Variants in ARMC9 observed in about 807,000 individuals in gnomAD.
ARMC9 encodes the protein lisH domain-containing protein ARMC9.
Under a neutral mutation model 107.0 loss-of-function variants are expected in ARMC9, and 94 were observed. That is an observed-to-expected ratio of 0.88 (90% CI 0.74 to 1.04). The LOEUF is 1.04. Ranked by LOEUF, ARMC9 falls within the 50% of genes least tolerant of loss-of-function variation. The probability of loss-of-function intolerance (pLI) is 0.00; values close to 1 mark genes in which losing one functional copy is unlikely to be tolerated. For synonymous variants in ARMC9, 380 were observed against 396.9 expected, an observed-to-expected ratio of 0.96 and a Z score of 0.51; for missense variants, 942 against 1,030.1, an observed-to-expected ratio of 0.91 and a Z score of 1.17.
At chr2:231,323,969 T>TCTGCCCCAGGCCCCCTGCTC (rs1307913752) in intron 19 of ARMC9, among the ~76,000 whole-genome samples, 2 of 152,150 alleles carry the variant, frequency 1.3e-5, no homozygotes, top group Non-Finnish European at 2.9e-5. Context: ...GGGCCCTGGT[T>TCTGCCCCAGGCCCCCTGCTC]CTGCCCCAGG....
intron 3 of ARMC9, among the ~76,000 whole-genome samples, chr2:231,211,948 C>G (rs985670923): frequency 2.6e-5 from 4 of 152,020 alleles, no homozygotes; most frequent in Non-Finnish European, 5.9e-5. Flanking sequence ...AGCTGTGTCC[C>G]CCACTATGGT....
At chr2:231,262,242 C>G in intron 11 of ARMC9, 64 bp from the exon 12 acceptor site, 1 of 1,471,176 alleles carries the variant, frequency 6.8e-7, no homozygotes, top group Admixed American at 1.7e-5. Context: ...AACACACCTG[C>G]TATGAGAAAC....
Position 231,358,625 on chromosome 2 carries a change from C to A in ARMC9, c.2132-2129C>A, listed in dbSNP as rs1421663926. On this transcript the variant is annotated intron_variant, in intron 22 of 24. Coordinates refer to ENST00000611582, the MANE Select transcript of ARMC9 (RefSeq NM_001352754.2). This position sits in a 1 kb window ranked among gnomAD's most constrained non-coding sequence, Gnocchi z 4.5. The stretch of plus-strand genomic sequence containing the variant: ...GGGAACTAACGCCCCACCCAGAGAC[C>A]CCGTGGAAACCCCCACCTTCACGCT... Among the ~76,000 whole-genome samples the A allele has an allele frequency of 6.6e-6, 1 of 152,156 alleles. No homozygotes were observed. Among genetic ancestry groups the A allele is most frequent in the Non-Finnish European group, 1.5e-5 (1 of 68,036 alleles).
Position 231,371,570 on chromosome 2 carries a change from G to C in ARMC9, c.*35G>C, listed in dbSNP as rs988875357. The C allele has an allele frequency of 4.0e-6, 5 of 1,234,910 alleles. No individual in the cohort carries two copies. In the Admixed American group the frequency reaches 2.1e-4, roughly 52 times the overall value. 76.5% of individuals were successfully genotyped at this position (1,234,910 alleles called of 1,614,324 possible). A position where few individuals can be genotyped will look rare whatever the true frequency, so the allele number is the denominator to read the frequency against. On this transcript the variant is annotated 3_prime_UTR_variant, in exon 25 of 25. Coordinates refer to ENST00000611582, the MANE Select transcript of ARMC9 (RefSeq NM_001352754.2). ...CGGGTGTCCCCATCACGTTGCCGGA[G>C]GACCAGCCAGCTTCCCGCTCTCAGC...
At chr2:231,271,829 G>A (rs978597373) in intron 13 of ARMC9, among the ~76,000 whole-genome samples, 1 of 152,208 alleles carries the variant, frequency 6.6e-6, no homozygotes, top group East Asian at 1.9e-4. Flanking sequence ...GACCATTCTG[G>A]GCTTATTACA....
At chr2:231,328,808 T>TG (rs2043509450) in intron 19 of ARMC9, among the ~76,000 whole-genome samples, 1 of 131,164 alleles carries the variant, frequency 7.6e-6, no homozygotes, top group Non-Finnish European at 1.7e-5. Context: ...AATTTTCTTT[T>TG]CTTTTCTTTT....
chr2:231,341,084 TGGGAGGCTGAGAC>T (rs1048677283), intron 20 of ARMC9, among the ~76,000 whole-genome samples: 1 of 152,056 alleles, frequency 6.6e-6, no homozygotes, highest in Non-Finnish European at 1.5e-5. Context: ...CTCAGCTACT[TGGGAGGCTGAGAC>T]GGGAGGATCA....
At chr2:231,343,246 T>A (rs2044626832) in intron 20 of ARMC9, among the ~76,000 whole-genome samples, 1 of 151,740 alleles carries the variant, frequency 6.6e-6, no homozygotes, top group Admixed American at 6.6e-5. Flanking sequence ...GTCACTTCCC[T>A]GGCTGAGAAC....
intron 5 of ARMC9, among the ~76,000 whole-genome samples, chr2:231,220,596 C>CAAAAAAAAAAAAA (rs71396668): frequency 1.5e-5 from 1 of 66,178 alleles, no homozygotes; most frequent in Non-Finnish European, 3.1e-5. Context: ...GACTCCATCT[C>CAAAAAAAAAAAAA]AAAAAAAAAA....
At chr2:231,248,995 C>CACAGG (rs1559349875) in intron 9 of ARMC9, among the ~76,000 whole-genome samples, 7 of 152,244 alleles carry the variant, frequency 4.6e-5, no homozygotes, top group Middle Eastern at 3.4e-3. Flanking sequence ...TACCCACGTG[C>CACAGG]ATCCTGCACA....
At position 231,271,029 on chromosome 2, in the gene ARMC9, G is replaced by A. The variant is rs146934178; in HGVS notation, c.1167G>A (p.Gln389=). 243 of 1,614,190 alleles carry A rather than the reference G, an allele frequency of 1.5e-4. 2 individuals carry two copies. The East Asian group carries it at 4.9e-3, about 32-fold the overall frequency. ...ACTCCACGAGCGACGTGGTGCGGCA[G>A]TACATGGCCAGGCTCATCAATGCTT... is the stretch of plus-strand genomic sequence containing the variant. ...LLHSTSDVVR[Q]YMARLINAFA... The change falls in exon 13 of 25, where the codon CAG becomes CAA. Residue 389 remains glutamine (Q), a synonymous_variant. Transcript: ENST00000611582.
At chr2:231,241,039 CAT>C (rs2036246938) in intron 9 of ARMC9, among the ~76,000 whole-genome samples, 1 of 151,584 alleles carries the variant, frequency 6.6e-6, no homozygotes, top group South Asian at 2.1e-4. Context: ...CTCTACTAAA[CAT>C]ACAAAAATTA....
intron 1 of ARMC9, 67 bp from the exon 2 acceptor site, chr2:231,206,131 A>G: frequency 5.1e-6 from 5 of 989,154 alleles, no homozygotes; most frequent in Non-Finnish European, 8.1e-6. Flanking sequence ...TGCTCACCAC[A>G]ACCACCTTTT....
chr2:231,271,551 T>G (rs1043144835), intron 13 of ARMC9, among the ~76,000 whole-genome samples: 6 of 152,216 alleles, frequency 3.9e-5, no homozygotes, highest in African/African-American at 1.4e-4. Context: ...ATAACTGAAT[T>G]TAAAATGATT....
In ARMC9 at chr2:231,203,077, G is replaced by A. The variant is rs77107158; in HGVS notation, c.-41-3121G>A. On this transcript the variant is annotated intron_variant, in intron 1 of 24. Transcript: ENST00000611582. ...GGAGAGTGTGGCTCTGACCTAACTC[G>A]GTCGGAAGTCCCTCCCAGGTTTGAA... Among the ~76,000 whole-genome samples the A allele has an allele frequency of 3.4e-3, 515 of 151,324 alleles. 2 individuals are homozygous for A. Among genetic ancestry groups the A allele is most frequent in the African/African-American group, 0.012 (494 of 40,722 alleles).
intron 12 of ARMC9, among the ~76,000 whole-genome samples, chr2:231,265,386 A>G (rs1299131567): frequency 1.3e-5 from 2 of 152,260 alleles, no homozygotes; most frequent in African/African-American, 4.8e-5. Context: ...AAAATGTAAT[A>G]TATATACAAC....
chr2:231,237,775 ATATATATTTTTTTTTTTTTTTTTTT>A (rs1435196117), intron 8 of ARMC9, among the ~76,000 whole-genome samples: 24 of 40,784 alleles, frequency 5.9e-4, no homozygotes, highest in African/African-American at 1.8e-3. Flanking sequence ...ATATATATAT[ATATATATTTTTTTTTTTTTTTTTTT>A]TTTTTTTTTT....
Position 231,289,208 on chromosome 2 carries a change from T to G in ARMC9, c.1627-2145T>G, listed in dbSNP as rs376647239. ...TTTGGCTGGGCACACAACTCACACCTGTAATCCCACCACTTTGGGAGGCTG... is the reference window on the plus strand; with the variant it reads ...TTTGGCTGGGCACACAACTCACACCGGTAATCCCACCACTTTGGGAGGCTG... On this transcript the variant is annotated intron_variant, in intron 17 of 24. Coordinates refer to ENST00000611582, the MANE Select transcript of ARMC9 (RefSeq NM_001352754.2). Among the ~76,000 whole-genome samples the G allele has an allele frequency of 7.9e-4, 120 of 152,336 alleles. 3 individuals are homozygous for G. The South Asian group carries it at 0.013, about 16-fold the overall frequency.
intron 17 of ARMC9, among the ~76,000 whole-genome samples, chr2:231,289,843 T>C (rs562204128): frequency 6.4e-4 from 98 of 152,312 alleles, no homozygotes; most frequent in Admixed American, 6.0e-3. Flanking sequence ...GGTTCTATCC[T>C]AACCCTCTGC....
Sources: gnomAD v4.1 joint callset for allele counts (sites outside exome capture counted in the v4.1 genomes callset) on GRCh38, gnomAD v4.1.1 for gene constraint, Gnocchi (gnomAD v3.1) non-coding constraint, MANE v1.5 for transcripts, NCBI Gene and HGNC (gene_info 2026-07-23, HGNC 2026-07-21) for gene names.